DNAH17: variants seen among roughly 807,000 people sequenced by gnomAD.
DNAH17 encodes the protein dynein axonemal heavy chain 17.
DNAH17 carries 376 observed loss-of-function variants against 485.6 expected under a neutral mutation model. That is an observed-to-expected ratio of 0.77 (90% confidence interval 0.71 to 0.84). The LOEUF is 0.84. Among genes scored for constraint, DNAH17 ranks in the 40% least tolerant of loss-of-function variants. DNAH17 has a pLI of 0.00. For missense variants in DNAH17, 6,370 were observed against 5,839.3 expected, an observed-to-expected ratio of 1.09 and a Z score of -2.96; for synonymous variants, 3,031 against 2,405.9, an observed-to-expected ratio of 1.26 and a Z score of -7.60.
chr17:78,550,486 G>A (rs965244458), intron 16 of DNAH17, among the ~76,000 whole-genome samples: 1 of 24,062 alleles, frequency 4.2e-5, no homozygotes, highest in Non-Finnish European at 8.2e-5. Flanking sequence ...GTTAATATGA[G>A]GTCATTAGTG....
In DNAH17 at chr17:78,529,690, C is replaced by T. The variant is rs762605114; in HGVS notation, c.3289G>A (p.Ala1097Thr). 2 of 1,613,904 alleles carry T rather than the reference C, an allele frequency of 1.2e-6. No homozygotes were observed. Among genetic ancestry groups the T allele is most frequent in the Non-Finnish European group, 8.5e-7 (1 of 1,179,820 alleles). ...HLSNHVTNSL[A>T]DLEAFMKVAR... ...ACTTTCATGAAGGCTTCCAGGTCAGCCAGGCTAAGGGACAAGGGGACCATT... is the reference window on the plus strand; with the variant it reads ...ACTTTCATGAAGGCTTCCAGGTCAGTCAGGCTAAGGGACAAGGGGACCATT... Residue 1097 changes from alanine to threonine, a missense_variant, in exon 22 of 81, where the codon GCT (alanine) becomes ACT (threonine). Coordinates refer to ENST00000389840, the MANE Select transcript of DNAH17 (RefSeq NM_173628.4).
In DNAH17 at chr17:78,490,685, A is replaced by T. The variant is rs1369967878; in HGVS notation, c.6818+14T>A. On this transcript the variant is annotated intron_variant, in intron 44 of 80. Coordinates refer to ENST00000389840, the MANE Select transcript of DNAH17 (RefSeq NM_173628.4). ...TGCCGAGGTTTGGAACAGGAAAGCC[A>T]AAGCCCCACTCACGGGTTCCATCCC... The T allele has an allele frequency of 6.2e-7, 1 of 1,601,232 alleles. No individual in the cohort carries two copies.
At chr17:78,451,434 A>G (rs775260486) in intron 66 of DNAH17, 35 bp downstream of exon 66, 2 of 1,574,766 alleles carry the variant, frequency 1.3e-6, no homozygotes, top group East Asian at 4.5e-5. Context: ...GTGGGACGGC[A>G]CCTCCTCCCG....
At chr17:78,490,601 TG>T in intron 44 of DNAH17, 97 bp downstream of exon 44, 2 of 1,472,596 alleles carry the variant, frequency 1.4e-6, no homozygotes, top group South Asian at 2.7e-5. Context: ...ACACAGTTTG[TG>T]ACATGAATGA....
intron 48 of DNAH17, among the ~76,000 whole-genome samples, chr17:78,484,345 C>G (rs894310836): frequency 6.6e-6 from 1 of 152,018 alleles, no homozygotes; most frequent in African/African-American, 2.4e-5. Flanking sequence ...ACGTGGCAAT[C>G]TCTCCACCCA....
At chr17:78,461,204 T>C (rs1235197845) in intron 58 of DNAH17, among the ~76,000 whole-genome samples, 1 of 152,008 alleles carries the variant, frequency 6.6e-6, no homozygotes, top group Non-Finnish European at 1.5e-5. Context: ...ATCGCGGGCA[T>C]TTCGTTACCA....
intron 25 of DNAH17, chr17:78,522,539 C>A: frequency 6.5e-6 from 2 of 308,780 alleles, no homozygotes; most frequent in South Asian, 3.0e-5. Flanking sequence ...TCTGCCAGCC[C>A]CTAAGTCACA....
chr17:78,462,816 G>C lies in DNAH17; in HGVS notation c.9174+28C>G, dbSNP rs201151775. 5 of 1,611,508 alleles carry C rather than the reference G, an allele frequency of 3.1e-6. No homozygotes were observed. The South Asian group carries it at 5.5e-5, about 18-fold the overall frequency. Reference sequence around the variant, plus strand: ...GCGAGGCCTCCAGGGAACGGCACAGGAGCTGGCAGCCAGCCCCCCTCTCCT... The same window carrying C: ...GCGAGGCCTCCAGGGAACGGCACAGCAGCTGGCAGCCAGCCCCCCTCTCCT... On this transcript the variant is annotated intron_variant, in intron 57 of 80. Coordinates refer to ENST00000389840, the MANE Select transcript of DNAH17 (RefSeq NM_173628.4).
chr17:78,556,799 C>CGACA (rs2092032948), intron 14 of DNAH17, among the ~76,000 whole-genome samples: 1 of 152,046 alleles, frequency 6.6e-6, no homozygotes, highest in African/African-American at 2.4e-5. Context: ...TATATCCATG[C>CGACA]GACACATTGC....
At chr17:78,487,082 A>G (rs1450540640) in intron 44 of DNAH17, among the ~76,000 whole-genome samples, 2 of 151,562 alleles carry the variant, frequency 1.3e-5, no homozygotes, top group African/African-American at 4.9e-5. Context: ...GCAATCCTTG[A>G]AGAGCCGTGC....
chr17:78,426,394 T>TA (rs2086462951), intron 79 of DNAH17, 63 bp downstream of exon 79: 1 of 1,493,064 alleles, frequency 6.7e-7, no homozygotes, highest in African/African-American at 1.4e-5. Context: ...GTGTGGGGTG[T>TA]GCCGAGCTCT....
At chr17:78,459,262 C>T (rs1045033377) in intron 60 of DNAH17, 54 bp from the exon 61 acceptor site, 25 of 1,544,158 alleles carry the variant, frequency 1.6e-5, no homozygotes, top group East Asian at 2.2e-5. Context: ...TCTGGCAAAA[C>T]GGGCCCAGAG....
intron 48 of DNAH17, among the ~76,000 whole-genome samples, chr17:78,481,286 G>C (rs1266060349): frequency 6.6e-6 from 1 of 150,662 alleles, no homozygotes; most frequent in Non-Finnish European, 1.5e-5. Flanking sequence ...TGTACTTTTA[G>C]TAGAGACTGG....
Position 78,468,782 on chromosome 17 carries a change from C to G in DNAH17, c.8613G>C (p.Leu2871=). 1 of 1,614,036 alleles carries G rather than the reference C, an allele frequency of 6.2e-7. No homozygotes were observed. The highest frequency in any genetic ancestry group is 8.5e-7 in the Non-Finnish European group (1 of 1,179,898). ...CTCCTGAGGCCAGCAGGTCATTGAT[C>G]AGCACCAGAAACTGCTCCTCGGCCA... is the stretch of plus-strand genomic sequence containing the variant. ...SQVAEEQFLV[L]INDLLASGEI... Residue 2871 remains leucine, a synonymous_variant, in exon 55 of 81, where the codon CTG becomes CTC. Transcript: ENST00000389840.
At position 78,475,597 on chromosome 17, in the gene DNAH17, G is replaced by A. The variant is rs999430; in HGVS notation, c.8319+72C>T. On this transcript the variant is annotated intron_variant, in intron 53 of 80. Coordinates refer to ENST00000389840, the MANE Select transcript of DNAH17 (RefSeq NM_173628.4). ...CAGCCCCACACAATGCCACTCGGAT[G>A]TCGATAATGCAACCGGAGAGGGTGA... is the stretch of plus-strand genomic sequence containing the variant. 203,435 of 1,600,802 alleles carry A rather than the reference G, an allele frequency of 0.13. 13,691 individuals carry two copies. Among genetic ancestry groups the A allele is most frequent in the South Asian group, 0.19 (16,636 of 89,848 alleles).
rs751082175 is a variant in DNAH17 at position 78,561,825 on chromosome 17, G to T, written c.1725C>A (p.Ile575=). ...GAGGCATGTTTTTGTGGATCAGGGG[G>T]ATGTTCCCCTCCTCGGAGGCCGCCA... is the stretch of plus-strand genomic sequence containing the variant. ...AQMAASEEGN[I]PLIHKNMPPV... is the part of the protein sequence containing the mutation. The change falls in exon 12 of 81, where the codon ATC becomes ATA. Residue 575 remains isoleucine, a synonymous_variant. Coordinates refer to ENST00000389840, the MANE Select transcript of DNAH17 (RefSeq NM_173628.4). 4 of 1,613,768 alleles carry T rather than the reference G, an allele frequency of 2.5e-6. No individual in the cohort carries two copies. In the East Asian group the frequency reaches 8.9e-5, roughly 36 times the overall value.
rs776060316 is a variant in DNAH17 at position 78,532,658 on chromosome 17, C to G, written c.2938G>C (p.Ala980Pro). Residue 980 changes from alanine (A) to proline (P), a missense_variant, in exon 20 of 81, where the codon GCC becomes CCC. By Grantham distance (27) the Ala-to-Pro change is conservative. Transcript: ENST00000389840. The stretch of plus-strand genomic sequence containing the variant: ...TCAAAGGAATCCTGGTACTCCTCGG[C>G]CTCCTTCATGGCATTGATGACCAGG... Reference protein sequence around the residue: ...SSLVINAMKEAEEYQDSFERY... With the variant: ...SSLVINAMKEPEEYQDSFERY... 2 of 1,595,932 alleles carry G rather than the reference C, an allele frequency of 1.3e-6. No individual in the cohort carries two copies. Among genetic ancestry groups the G allele is most frequent in the South Asian group, 2.3e-5 (2 of 88,148 alleles).
Position 78,476,707 on chromosome 17 carries a change from A to G in DNAH17, c.8019T>C (p.Val2673=), listed in dbSNP as rs369291621. Residue 2673 remains valine, a synonymous_variant, in exon 52 of 81, where the codon GTT becomes GTC. Transcript: ENST00000389840. ...GGACGAGGTCCAGTGGGGTTTTCAG[A>G]ACTTCTGCTGTGGAAAATAAGAGTC... ...FQGLLFSTAE[V]LKTPLDLVRL... The G allele has an allele frequency of 3.1e-6, 5 of 1,612,864 alleles. No individual in the cohort carries two copies. In the South Asian group the frequency reaches 5.5e-5, roughly 18 times the overall value.
In DNAH17 at chr17:78,570,392, G is replaced by A. The variant is rs1006655625; in HGVS notation, c.919-20C>T. Reference sequence around the variant, plus strand: ...GGGGAGCTGGGGGGAGACAGGCCCAGGCACACTGGAGGGGACTGGCCGCTG... The same window carrying A: ...GGGGAGCTGGGGGGAGACAGGCCCAAGCACACTGGAGGGGACTGGCCGCTG... On this transcript the variant is annotated intron_variant, in intron 6 of 80. Transcript: ENST00000389840. The A allele has an allele frequency of 1.9e-6, 3 of 1,606,648 alleles. No homozygotes were observed. In the African/African-American group the frequency reaches 4.0e-5, roughly 21 times the overall value.
Sources: allele counts gnomAD v4.1 joint callset (sites outside exome capture counted in the v4.1 genomes callset), GRCh38; gene constraint gnomAD v4.1.1; transcripts MANE v1.5; gene names NCBI Gene and HGNC (gene_info 2026-07-23, HGNC 2026-07-21).